PTPRD: variants seen among roughly 807,000 people sequenced by gnomAD.
PTPRD encodes the protein receptor-type tyrosine-protein phosphatase delta.
PTPRD carries 34 observed loss-of-function variants against 214.5 expected under a neutral mutation model. That is an observed-to-expected ratio of 0.16 (90% CI 0.12 to 0.21). The LOEUF is 0.21. PTPRD is among the 10% of genes least tolerant of loss of function. PTPRD has a pLI of 1.00. For missense variants in PTPRD, 2,545 were observed against 2,398.7 expected (o/e 1.06, Z -1.27); for synonymous variants, 1,128 against 845.7 (o/e 1.33, Z -5.79).
At chr9:10,198,633 T>C (rs1384787576) in intron 3 of PTPRD, among the ~76,000 whole-genome samples, 1 of 152,124 alleles carries the variant, frequency 6.6e-6, no homozygotes, top group Non-Finnish European at 1.5e-5. Context: ...TGAAATTTCA[T>C]TTTTACTGAT....
At chr9:9,912,339 A>C (rs1444906800) in intron 5 of PTPRD, among the ~76,000 whole-genome samples, 2 of 152,200 alleles carry the variant, frequency 1.3e-5, no homozygotes, top group Non-Finnish European at 2.9e-5. Flanking sequence ...ACATTTGTCC[A>C]AAATTTAGAG....
intron 2 of PTPRD, among the ~76,000 whole-genome samples, chr9:10,373,365 A>G (rs2097668182): frequency 6.6e-6 from 1 of 152,064 alleles, no homozygotes; most frequent in Admixed American, 6.6e-5. Flanking sequence ...CTTGTTCTCT[A>G]TACTTGGACA....
At chr9:10,220,999 G>T (rs2099569216) in intron 3 of PTPRD, among the ~76,000 whole-genome samples, 1 of 151,934 alleles carries the variant, frequency 6.6e-6, no homozygotes, top group African/African-American at 2.4e-5. Flanking sequence ...AGGTCACTGT[G>T]AACAGCAGGA....
At chr9:9,436,696 T>C (rs775372414) in intron 8 of PTPRD, among the ~76,000 whole-genome samples, 2 of 151,800 alleles carry the variant, frequency 1.3e-5, no homozygotes, top group Non-Finnish European at 2.9e-5. Context: ...TCTCTCTACA[T>C]GAAGGAAGTA....
At chr9:8,371,671 C>T (rs1256241091) in intron 39 of PTPRD, among the ~76,000 whole-genome samples, 1 of 152,014 alleles carries the variant, frequency 6.6e-6, no homozygotes, top group Non-Finnish European at 1.5e-5. Flanking sequence ...GAAATTCATG[C>T]TCAAATTTTA....
At chr9:9,185,294 A>G (rs1233054084) in intron 9 of PTPRD, among the ~76,000 whole-genome samples, 1 of 152,118 alleles carries the variant, frequency 6.6e-6, no homozygotes, top group Non-Finnish European at 1.5e-5. Context: ...CTGACAAGCA[A>G]TATCAAATCT....
At position 9,990,960 on chromosome 9, in the gene PTPRD, A is replaced by C. The variant is rs1389476408; in HGVS notation, c.-472+42758T>G. ...GTCTTTTTTTTTTTTTTTAAGACAG[A>C]ATTTCACTTTGCTGCCCAGGCTGCA... On this transcript the variant is annotated intron_variant, in intron 4 of 45. Transcript: ENST00000381196. Among the ~76,000 whole-genome samples the C allele has an allele frequency of 2.0e-5, 3 of 149,414 alleles. No individual in the cohort carries two copies. The East Asian group carries it at 5.9e-4, about 29-fold the overall frequency.
At chr9:9,177,652 CAA>C (rs1001542219) in intron 10 of PTPRD, among the ~76,000 whole-genome samples, 2 of 151,240 alleles carry the variant, frequency 1.3e-5, no homozygotes, top group East Asian at 1.9e-4. Context: ...TTATGGTGAG[CAA>C]AAAAAATTCC....
chr9:9,176,811 C>T (rs2099925165), intron 10 of PTPRD, among the ~76,000 whole-genome samples: 1 of 152,112 alleles, frequency 6.6e-6, no homozygotes, highest in South Asian at 2.1e-4. Flanking sequence ...TTAGATTTCC[C>T]AGTCTCCAGA....
chr9:10,067,844 G>GAAAA (rs1209903018), intron 3 of PTPRD, among the ~76,000 whole-genome samples: 1 of 151,824 alleles, frequency 6.6e-6, no homozygotes, highest in Non-Finnish European at 1.5e-5. Flanking sequence ...CTCTCTGGAT[G>GAAAA]AAAAAGCCTA....
chr9:9,118,271 G>C (rs2099814223), intron 10 of PTPRD, among the ~76,000 whole-genome samples: 1 of 152,152 alleles, frequency 6.6e-6, no homozygotes, highest in Admixed American at 6.5e-5. Context: ...TCAATTATTA[G>C]CAGGATCTAC....
At chr9:8,804,395 T>C (rs1226894183) in intron 11 of PTPRD, among the ~76,000 whole-genome samples, 1 of 151,538 alleles carries the variant, frequency 6.6e-6, no homozygotes, top group African/African-American at 2.4e-5. Context: ...CCCACAAATT[T>C]GAGACCAGCC....
intron 3 of PTPRD, among the ~76,000 whole-genome samples, chr9:10,214,806 AAT>A (rs1417178202): frequency 6.6e-6 from 1 of 152,040 alleles, no homozygotes; most frequent in Admixed American, 6.6e-5. Flanking sequence ...ACATGTAGCT[AAT>A]ATATTAAACT....
At chr9:8,626,504 A>G (rs953978299) in intron 14 of PTPRD, among the ~76,000 whole-genome samples, 1 of 151,830 alleles carries the variant, frequency 6.6e-6, no homozygotes. Context: ...TAGGCGAAAT[A>G]TCTGGGGTGC....
intron 9 of PTPRD, among the ~76,000 whole-genome samples, chr9:9,379,972 A>G (rs934975135): frequency 6.6e-6 from 1 of 152,018 alleles, no homozygotes; most frequent in Non-Finnish European, 1.5e-5. Flanking sequence ...ATTTGCAACA[A>G]AGATATTTTC....
At chr9:9,049,025 TG>T (rs903561125) in intron 10 of PTPRD, among the ~76,000 whole-genome samples, 6 of 152,224 alleles carry the variant, frequency 3.9e-5, no homozygotes, top group African/African-American at 1.4e-4. Context: ...CAAAAATACA[TG>T]GCCCACAGGC....
chr9:8,991,852 C>T (rs2099368828), intron 11 of PTPRD, among the ~76,000 whole-genome samples: 1 of 151,982 alleles, frequency 6.6e-6, no homozygotes, highest in Non-Finnish European at 1.5e-5. Flanking sequence ...AAATATGTCC[C>T]TCAATGCCTA....
At chr9:9,663,704 A>G (rs1461809772) in intron 7 of PTPRD, among the ~76,000 whole-genome samples, 1 of 151,528 alleles carries the variant, frequency 6.6e-6, no homozygotes, top group Non-Finnish European at 1.5e-5. Flanking sequence ...TTAAACTTTC[A>G]CTTATTTATT....
chr9:10,169,299 C>A (rs2099183735), intron 3 of PTPRD, among the ~76,000 whole-genome samples: 1 of 151,152 alleles, frequency 6.6e-6, no homozygotes, highest in South Asian at 2.1e-4. Context: ...ACAGTGAAAC[C>A]CCGTCTCTAC....
Sources: gnomAD v4.1 joint callset for allele counts (sites outside exome capture counted in the v4.1 genomes callset) on GRCh38, gnomAD v4.1.1 for gene constraint, MANE v1.5 for transcripts, NCBI Gene and HGNC (gene_info 2026-07-23, HGNC 2026-07-21) for gene names.